MYO10: variants seen among roughly 807,000 people sequenced by gnomAD.
The protein encoded by MYO10 is unconventional myosin-X.
MYO10 carries 133 observed loss-of-function variants against 257.3 expected under a neutral mutation model. That is an observed-to-expected ratio of 0.52 (90% CI 0.45 to 0.60). The LOEUF is 0.60. Among genes scored for constraint, MYO10 ranks in the 20% least tolerant of loss-of-function variants. The pLI is 0.00. For synonymous variants in MYO10, 1,104 were observed against 1,028.6 expected (o/e 1.07, Z -1.40); for missense variants, 2,399 against 2,635.7 (o/e 0.91, Z 1.97).
In MYO10 at chr5:16,673,788, T is replaced by C. The variant is rs375400478; in HGVS notation, c.5066A>G (p.Asp1689Gly). 67 of 1,613,874 alleles carry C rather than the reference T, an allele frequency of 4.2e-5. No individual in the cohort carries two copies. Among genetic ancestry groups the C allele is most frequent in the Non-Finnish European group, 5.5e-5 (65 of 1,179,906 alleles). Residue 1689 changes from aspartate to glycine, a missense_variant, in exon 36 of 41, where the codon GAT becomes GGT. By Grantham distance (94) the Asp-to-Gly change is moderately conservative. Transcript: ENST00000513610. ...TKCREFVPSR[D>G]EIEALIHRQE... ...CCTGTGGATCAGAGCTTCTATTTCA[T>C]CTCGGGAAGGCACAAACTCTCGGCA... is the stretch of plus-strand genomic sequence containing the variant.
At chr5:16,808,040 C>T (rs899037480) in intron 3 of MYO10, among the ~76,000 whole-genome samples, 4 of 152,194 alleles carry the variant, frequency 2.6e-5, no homozygotes, top group African/African-American at 9.7e-5. Context: ...GCATCAGCAT[C>T]GATATGCTGA....
intron 1 of MYO10, among the ~76,000 whole-genome samples, chr5:16,910,853 G>T (rs1745639479): frequency 6.6e-6 from 1 of 152,074 alleles, no homozygotes; most frequent in South Asian, 2.1e-4. Context: ...CTCTGTCTGA[G>T]GTAGTCTATG....
chr5:16,698,685 G>A (rs1434633315), intron 26 of MYO10, among the ~76,000 whole-genome samples: 2 of 138,512 alleles, frequency 1.4e-5, no homozygotes, highest in East Asian at 4.1e-4. Flanking sequence ...GTGCAGTGGC[G>A]CGATCTCGGC....
chr5:16,841,657 T>C (rs1743484857), intron 2 of MYO10, among the ~76,000 whole-genome samples: 1 of 152,216 alleles, frequency 6.6e-6, no homozygotes, highest in South Asian at 2.1e-4. Flanking sequence ...CGGCAGCCTT[T>C]GTGGTCTGAG....
intron 39 of MYO10, among the ~76,000 whole-genome samples, chr5:16,668,918 A>T (rs1736306017): frequency 6.6e-6 from 1 of 152,216 alleles, no homozygotes; most frequent in Admixed American, 6.5e-5. Context: ...CTAGGATCAC[A>T]GAGGAAAATT....
chr5:16,664,446 G>A lies in MYO10; in HGVS notation c.*2246C>T, dbSNP rs915060456. 7 of 152,168 alleles carry A rather than the reference G, an allele frequency of 4.6e-5. No homozygotes were observed. Among genetic ancestry groups the A allele is most frequent in the African/African-American group, 1.4e-4 (6 of 41,430 alleles). 9.4% of individuals were successfully genotyped at this position (152,168 alleles called of 1,614,324 possible). ...GACAACACACATCCAAGTCTTTGCC[G>A]GCTTTCCTTGGGTGCCTGGCGGGGC... On this transcript the variant is annotated 3_prime_UTR_variant, in exon 41 of 41. Coordinates refer to ENST00000513610, the MANE Select transcript of MYO10 (RefSeq NM_012334.3).
intron 26 of MYO10, among the ~76,000 whole-genome samples, chr5:16,698,626 T>TTTTTTTG (rs1737876152): frequency 7.3e-6 from 1 of 137,646 alleles, no homozygotes; most frequent in Non-Finnish European, 1.5e-5. Context: ...ACATGCAGTT[T>TTTTTTTG]TTTTTTTTTT....
intron 2 of MYO10, among the ~76,000 whole-genome samples, chr5:16,818,381 CGTGT>C (rs66684462): frequency 0.034 from 4,511 of 133,958 alleles, 119 homozygotes; most frequent in African/African-American, 0.046. Flanking sequence ...TGTGTGTGTG[CGTGT>C]GTGTGTGTGT....
At chr5:16,787,053 C>T (rs1181319199) in intron 4 of MYO10, among the ~76,000 whole-genome samples, 2 of 152,114 alleles carry the variant, frequency 1.3e-5, no homozygotes, top group South Asian at 2.1e-4. Context: ...CCTGTAGTTC[C>T]AGCTACTCAG....
Position 16,712,597 on chromosome 5 carries a change from G to A in MYO10, c.1930-1352C>T, listed in dbSNP as rs148860367. On this transcript the variant is annotated intron_variant, in intron 19 of 40. Coordinates refer to ENST00000513610, the MANE Select transcript of MYO10 (RefSeq NM_012334.3). ...CCTTAAAAATGCAGTCATTAACACAGAATTAGGCATAAAGCCGTGTTATTC... is the reference window on the plus strand; with the variant it reads ...CCTTAAAAATGCAGTCATTAACACAAAATTAGGCATAAAGCCGTGTTATTC... 7.1e-3 allele frequency among the ~76,000 whole-genome samples: 1,074 copies of A among 152,302 alleles called. 4 individuals carry two copies. The highest frequency in any genetic ancestry group is 0.012 in the South Asian group (59 of 4,822).
At position 16,748,490 on chromosome 5, in the gene MYO10, G is replaced by GC. The variant is rs376012902; in HGVS notation, c.1929+6337dup. On this transcript the variant is annotated intron_variant, in intron 19 of 40. Transcript: ENST00000513610. ...GAACTCCTGGCCTCAAGTGATCCGC[G>GC]CCCCCCCGCCCCCCATCAGCCTCCC... 1.6e-3 allele frequency among the ~76,000 whole-genome samples: 241 copies of GC among 147,800 alleles called. 3 individuals carry two copies. The highest frequency in any genetic ancestry group is 6.4e-3 in the South Asian group (29 of 4,542).
In MYO10 at chr5:16,890,508, A is replaced by AT. The variant is rs765375035; in HGVS notation, c.22-12802dup. 2.9e-3 allele frequency among the ~76,000 whole-genome samples: 434 copies of AT among 151,320 alleles called. 12 individuals are homozygous for AT. The highest frequency in any genetic ancestry group is 9.3e-3 in the African/African-American group (380 of 41,008). On this transcript the variant is annotated intron_variant, in intron 1 of 40. Transcript: ENST00000513610. ...CTCATGTTCATCAACTAGTGAATGG[A>AT]TTTTTTTTTAATGTGGTCTATTCAT... is the stretch of plus-strand genomic sequence containing the variant.
rs913282058 is a variant in MYO10, at chr5:16,666,591, C to A, written c.*101G>T. The A allele has an allele frequency of 2.1e-6, 2 of 954,096 alleles. No individual in the cohort carries two copies. Among genetic ancestry groups the A allele is most frequent in the South Asian group, 1.7e-5 (1 of 60,056 alleles). The allele number at this position is 954,096 out of a possible 1,614,324, so 59.1% of individuals were successfully genotyped here. A position where few individuals can be genotyped will look rare whatever the true frequency, so the allele number is the denominator to read the frequency against. ...ACCAGAAGCTTCCAGAAAGCCTGGG[C>A]AGCTCTGTGTTTGTTTTGGCTGGGC... is the stretch of plus-strand genomic sequence containing the variant. On this transcript the variant is annotated 3_prime_UTR_variant, in exon 41 of 41. Transcript: ENST00000513610.
chr5:16,834,892 A>G (rs1369749519), intron 2 of MYO10, among the ~76,000 whole-genome samples: 1 of 152,206 alleles, frequency 6.6e-6, no homozygotes, highest in Non-Finnish European at 1.5e-5. Flanking sequence ...TTTAGAGATA[A>G]CAGTTGGGCG....
At chr5:16,757,314 ACGC>A (rs1740563384) in intron 18 of MYO10, among the ~76,000 whole-genome samples, 8 of 66,144 alleles carry the variant, frequency 1.2e-4, no homozygotes, top group Non-Finnish European at 1.2e-4. Context: ...ACACACACAC[ACGC>A]ACACACACAC....
chr5:16,673,215 C>CT (rs1264291775), intron 36 of MYO10, among the ~76,000 whole-genome samples: 2 of 148,366 alleles, frequency 1.3e-5, no homozygotes, highest in Non-Finnish European at 3.0e-5. Context: ...CATAAGAAGC[C>CT]TTGGGGGGTG....
At chr5:16,780,847 C>G in intron 6 of MYO10, 106 bp from the exon 7 acceptor site, 1 of 1,179,314 alleles carries the variant, frequency 8.5e-7, no homozygotes, top group Non-Finnish European at 1.2e-6. Context: ...ATTACAGTTC[C>G]CTGTTCCTTT....
chr5:16,857,432 G>A (rs1397176681), intron 2 of MYO10, among the ~76,000 whole-genome samples: 1 of 152,132 alleles, frequency 6.6e-6, no homozygotes, highest in East Asian at 1.9e-4. Context: ...TTTAGAGCAT[G>A]GATTTCAAAA....
intron 2 of MYO10, among the ~76,000 whole-genome samples, chr5:16,848,618 T>G (rs1226373255): frequency 6.6e-6 from 1 of 151,980 alleles, no homozygotes; most frequent in Non-Finnish European, 1.5e-5. Flanking sequence ...CAAGAGTCTT[T>G]GGGAAACGCT....
Sources: allele counts gnomAD v4.1 joint callset (sites outside exome capture counted in the v4.1 genomes callset), GRCh38; gene constraint gnomAD v4.1.1; transcripts MANE v1.5; gene names NCBI Gene and HGNC (gene_info 2026-07-23, HGNC 2026-07-21).